The following IQSEC1 variants were observed in gnomAD, a reference collection of about 807,000 sequenced individuals.
IQSEC1 encodes IQ motif and SEC7 domain-containing protein 1.
IQSEC1 carries 31 observed loss-of-function variants against 91.0 expected under a neutral mutation model. The observed-to-expected ratio is 0.34, with a 90% CI of 0.26 to 0.46. The LOEUF is 0.46. IQSEC1 is among the 20% of genes least tolerant of loss of function. The probability of loss-of-function intolerance (pLI) is 1.00; values close to 1 mark genes in which losing one functional copy is unlikely to be tolerated. For synonymous variants in IQSEC1, 699 were observed against 662.6 expected (o/e 1.05, Z -0.84); for missense variants, 1,388 against 1,575.6 (o/e 0.88, Z 2.02).
chr3:12,900,076 T>C lies in IQSEC1; in HGVS notation c.*907A>G. The stretch of plus-strand genomic sequence containing the variant: ...CTTGTAACCAGCTGTCCTGAGTTGC[T>C]ACTGTAGAGTGTACTGCAGTTTAGC... On this transcript the variant is annotated 3_prime_UTR_variant, in exon 14 of 14. Coordinates refer to ENST00000613206, the MANE Select transcript of IQSEC1 (RefSeq NM_001134382.3). 1 of 984,894 alleles carries C rather than the reference T, an allele frequency of 1.0e-6. No homozygotes were observed. Among genetic ancestry groups the C allele is most frequent in the Non-Finnish European group, 1.2e-6 (1 of 829,432 alleles). The allele number at this position is 984,894 out of a possible 1,614,324, so 61.0% of individuals were successfully genotyped here.
At chr3:13,161,525 G>A (rs1397770822) in intron 2 of IQSEC1, among the ~76,000 whole-genome samples, 1 of 152,154 alleles carries the variant, frequency 6.6e-6, no homozygotes, top group Non-Finnish European at 1.5e-5. Flanking sequence ...CTGAGAAAAG[G>A]GAGGCCCAGC....
rs1168115399 is a variant in IQSEC1, at chr3:12,992,856, C to T, written c.24-50991G>A. 1.3e-5 allele frequency among the ~76,000 whole-genome samples: 2 copies of T among 152,182 alleles called. No individual in the cohort carries two copies. Among genetic ancestry groups the T allele is most frequent in the Non-Finnish European group, 2.9e-5 (2 of 68,024 alleles). The stretch of plus-strand genomic sequence containing the variant: ...GCTTGGCAATTTAAAGTGACAACTG[C>T]CTGGCAGAAACATGGGAGGGGAAGT... On this transcript the variant is annotated intron_variant, in intron 1 of 13. Transcript: ENST00000613206. This position sits in a 1 kb window ranked among gnomAD's most constrained non-coding sequence, Gnocchi z 4.1.
chr3:13,188,576 G>T (rs976409195), intron 1 of IQSEC1, among the ~76,000 whole-genome samples: 1 of 152,238 alleles, frequency 6.6e-6, no homozygotes, highest in African/African-American at 2.4e-5. Context: ...AAGTCACACA[G>T]CTCTTACGAG....
At chr3:13,082,813 C>G (rs1401939085) in intron 2 of IQSEC1, among the ~76,000 whole-genome samples, 3 of 152,198 alleles carry the variant, frequency 2.0e-5, no homozygotes, top group African/African-American at 7.2e-5. Flanking sequence ...ATCTTCCTTT[C>G]CGGCCATGCC....
intron 1 of IQSEC1, among the ~76,000 whole-genome samples, chr3:13,005,997 A>T (rs527257793): frequency 6.6e-6 from 1 of 152,356 alleles, no homozygotes; most frequent in Non-Finnish European, 1.5e-5. Flanking sequence ...CTTCAAGGGG[A>T]ATTTTATGAT....
chr3:13,147,256 C>T (rs1449266119), intron 2 of IQSEC1, among the ~76,000 whole-genome samples: 3 of 152,190 alleles, frequency 2.0e-5, no homozygotes, highest in Non-Finnish European at 1.5e-5. Context: ...GACTTCAGTG[C>T]AGGGGTCACC....
chr3:13,161,306 C>T (rs774769660), intron 2 of IQSEC1, among the ~76,000 whole-genome samples: 6 of 151,922 alleles, frequency 3.9e-5, no homozygotes, highest in Admixed American at 6.6e-5. Context: ...GGAGGAGAAG[C>T]GGGGGAGGGC....
chr3:12,965,347 T>C (rs1340602904), intron 1 of IQSEC1, among the ~76,000 whole-genome samples: 1 of 151,842 alleles, frequency 6.6e-6, no homozygotes, highest in African/African-American at 2.4e-5. Context: ...CCCATCCGGG[T>C]TTAGAGAGGG....
Position 13,199,931 on chromosome 3 carries a change from T to TCACA in IQSEC1, c.273-35802_273-35799dup, listed in dbSNP as rs752636736. Among the ~76,000 whole-genome samples the TCACA allele has an allele frequency of 2.4e-5, 3 of 124,064 alleles. No homozygotes were observed. The East Asian group carries it at 7.1e-4, about 29-fold the overall frequency. The allele number at this position is 124,064 out of a possible 152,430, so 81.4% of individuals were successfully genotyped here. A position where few individuals can be genotyped will look rare whatever the true frequency, so the allele number is the denominator to read the frequency against. On this transcript the variant is annotated intron_variant, in intron 1 of 15. Coordinates refer to the IQSEC1 transcript ENST00000648114. ...ACAGATACACCACACACCACGCACG[T>TCACA]CACACACACACACACACCATACACA...
chr3:13,080,341 G>GGGAGA (rs1203140613), intron 2 of IQSEC1, among the ~76,000 whole-genome samples: 1 of 152,114 alleles, frequency 6.6e-6, no homozygotes, highest in Non-Finnish European at 1.5e-5. Context: ...AAGTGTGGGT[G>GGGAGA]GGAGAGGAGA....
intron 1 of IQSEC1, among the ~76,000 whole-genome samples, chr3:12,984,784 A>C (rs1206258803): frequency 6.7e-6 from 1 of 148,994 alleles, no homozygotes; most frequent in East Asian, 2.0e-4. Flanking sequence ...GCTTCCTCCC[A>C]GTGCACTATT....
intron 2 of IQSEC1, among the ~76,000 whole-genome samples, chr3:12,938,516 C>T (rs1252666887): frequency 1.3e-5 from 2 of 152,184 alleles, no homozygotes; most frequent in Non-Finnish European, 2.9e-5. Context: ...CAATCCCAGG[C>T]CACAGTCTGT....
intron 5 of IQSEC1, among the ~76,000 whole-genome samples, chr3:12,921,007 A>G (rs1575910798): frequency 6.6e-6 from 1 of 152,166 alleles, no homozygotes; most frequent in Middle Eastern, 3.4e-3. Flanking sequence ...AGCCAGGGGC[A>G]CCTCCACACC....
At chr3:13,059,470 G>A (rs1000248008) in intron 1 of IQSEC1, among the ~76,000 whole-genome samples, 2 of 152,226 alleles carry the variant, frequency 1.3e-5, no homozygotes, top group African/African-American at 4.8e-5. Context: ...TCTGGGTGAT[G>A]TGAGAGAGGC....
In IQSEC1 at chr3:12,899,197, T is replaced by TGGCC. The variant is rs980859901; in HGVS notation, c.*1782_*1785dup. 3.1e-5 allele frequency: 19 copies of TGGCC among 622,204 alleles called. No homozygotes were observed. Among genetic ancestry groups the TGGCC allele is most frequent in the African/African-American group, 5.5e-5 (3 of 54,080 alleles). The allele number at this position is 622,204 out of a possible 1,614,324, so 38.5% of individuals were successfully genotyped here. The stretch of plus-strand genomic sequence containing the variant: ...GTGAGGAGGGAAATCGGCAAAACCC[T>TGGCC]GGCCAGCCAGCCAGCCAAGGTGACA... On this transcript the variant is annotated 3_prime_UTR_variant, in exon 14 of 14. Transcript: ENST00000613206.
At chr3:13,112,169 C>G (rs1706257751) in intron 2 of IQSEC1, among the ~76,000 whole-genome samples, 1 of 152,226 alleles carries the variant, frequency 6.6e-6, no homozygotes, top group South Asian at 2.1e-4. Flanking sequence ...ATCTGTAACC[C>G]TAATGCAAAC....
chr3:13,163,896 G>A (rs1359419494), intron 2 of IQSEC1, among the ~76,000 whole-genome samples: 2 of 152,178 alleles, frequency 1.3e-5, no homozygotes, highest in East Asian at 1.9e-4. Context: ...AGCTGGGAAG[G>A]GCTTTTGCTC....
chr3:12,937,531 G>C (rs1387426255), intron 2 of IQSEC1, among the ~76,000 whole-genome samples: 4 of 152,258 alleles, frequency 2.6e-5, no homozygotes, highest in African/African-American at 9.6e-5. Context: ...TTTGAGGCCA[G>C]GTGCCTGAGT....
At chr3:13,166,623 G>A (rs978926774) in intron 1 of IQSEC1, among the ~76,000 whole-genome samples, 1 of 152,238 alleles carries the variant, frequency 6.6e-6, no homozygotes, top group African/African-American at 2.4e-5. Flanking sequence ...GAGGAGATAA[G>A]TACATTCCCA....
Sources: gnomAD v4.1 joint callset for allele counts (sites outside exome capture counted in the v4.1 genomes callset) on GRCh38, gnomAD v4.1.1 for gene constraint, Gnocchi (gnomAD v3.1) non-coding constraint, MANE v1.5 for transcripts, NCBI Gene and HGNC (gene_info 2026-07-23, HGNC 2026-07-21) for gene names.